ATP2B1: variants seen among roughly 807,000 people sequenced by gnomAD.
ATP2B1 encodes the protein plasma membrane calcium-transporting ATPase 1.
Under a neutral mutation model 124.2 loss-of-function variants are expected in ATP2B1, and 14 were observed. That is an observed-to-expected ratio of 0.11 (90% confidence interval 0.07 to 0.18). ATP2B1 has a LOEUF of 0.18. Ranked by LOEUF, ATP2B1 falls within the 10% of genes least tolerant of loss-of-function variation. The pLI, the probability that ATP2B1 is intolerant of heterozygous loss-of-function variation, is 1.00. For synonymous variants in ATP2B1, 449 were observed against 492.4 expected, an observed-to-expected ratio of 0.91 and a Z score of 1.17; for missense variants, 763 against 1,466.1, an observed-to-expected ratio of 0.52 and a Z score of 7.83.
chr12:89,616,646 A>C (rs1283951233), intron 12 of ATP2B1, among the ~76,000 whole-genome samples, 156 bp downstream of exon 12: 1 of 152,170 alleles, frequency 6.6e-6, no homozygotes. Flanking sequence ...TAGCATATGC[A>C]CTGTAGGTAC....
intron 3 of ATP2B1, among the ~76,000 whole-genome samples, chr12:89,639,125 T>G (rs1034684335): frequency 6.6e-6 from 1 of 152,194 alleles, no homozygotes; most frequent in African/African-American, 2.4e-5. Flanking sequence ...GATTTACAAA[T>G]AGATTCCTTT....
chr12:89,691,338 C>T lies in ATP2B1; in HGVS notation c.-222+17258G>A, dbSNP rs145261249. Among the ~76,000 whole-genome samples the T allele has an allele frequency of 8.3e-4, 126 of 152,180 alleles. 4 individuals are homozygous for T. The East Asian group carries it at 0.021, about 25-fold the overall frequency. ...ACCTCAAATATTAAAGTCTATAAGC[C>T]AACTCCATTTTCTTTAAGGAAAGCA... On this transcript the variant is annotated intron_variant, in intron 1 of 20. Coordinates refer to ENST00000428670, the MANE Select transcript of ATP2B1 (RefSeq NM_001366521.1).
chr12:89,652,312 A>T (rs1039875745), intron 2 of ATP2B1, among the ~76,000 whole-genome samples: 9 of 12,710 alleles, frequency 7.1e-4, no homozygotes, highest in Non-Finnish European at 1.4e-3. Flanking sequence ...ATACACCAAC[A>T]ACTGCCTTCC....
At chr12:89,703,384 T>C (rs146548033) in intron 1 of ATP2B1, among the ~76,000 whole-genome samples, 63 of 152,324 alleles carry the variant, frequency 4.1e-4, no homozygotes, top group African/African-American at 1.4e-3. Context: ...AATTATCAAT[T>C]AGTATGCTAT....
At chr12:89,639,235 G>T (rs2136222178) in intron 3 of ATP2B1, among the ~76,000 whole-genome samples, 1 of 152,290 alleles carries the variant, frequency 6.6e-6, no homozygotes, top group South Asian at 2.1e-4. Context: ...TGGGCACGGT[G>T]GCTCATGCCT....
chr12:89,687,742 C>T (rs2136695966), intron 1 of ATP2B1, among the ~76,000 whole-genome samples: 1 of 152,150 alleles, frequency 6.6e-6, no homozygotes, highest in East Asian at 1.9e-4. Context: ...AAAATAAATG[C>T]TGCTTAAACA....
chr12:89,654,702 T>C (rs372277090), intron 2 of ATP2B1, among the ~76,000 whole-genome samples: 2 of 152,182 alleles, frequency 1.3e-5, no homozygotes, highest in African/African-American at 4.8e-5. Flanking sequence ...AAAGACTTTT[T>C]GCTATTACAT....
chr12:89,597,706 T>C (rs1276802380), intron 20 of ATP2B1, among the ~76,000 whole-genome samples: 11 of 152,134 alleles, frequency 7.2e-5, no homozygotes, highest in Non-Finnish European at 1.6e-4. Flanking sequence ...TTTACATCTT[T>C]AATGCCTCCA....
intron 1 of ATP2B1, among the ~76,000 whole-genome samples, chr12:89,661,497 G>C (rs1368975540): frequency 3.3e-5 from 5 of 152,016 alleles, no homozygotes; most frequent in African/African-American, 9.7e-5. Context: ...AATAAAGCAA[G>C]TATTAAATAC....
At chr12:89,632,876 A>C (rs749634941) in intron 5 of ATP2B1, among the ~76,000 whole-genome samples, 1 of 152,184 alleles carries the variant, frequency 6.6e-6, no homozygotes, top group African/African-American at 2.4e-5. Context: ...TAGGAACCTG[A>C]GTCTACATAA....
intron 9 of ATP2B1, among the ~76,000 whole-genome samples, chr12:89,622,687 A>G (rs143136802): frequency 6.6e-6 from 1 of 152,300 alleles, no homozygotes; most frequent in Non-Finnish European, 1.5e-5. Context: ...CATATTAAAG[A>G]TTAGAAAAAT....
chr12:89,665,721 G>C (rs948232582), intron 1 of ATP2B1, among the ~76,000 whole-genome samples: 1 of 152,140 alleles, frequency 6.6e-6, no homozygotes, highest in African/African-American at 2.4e-5. Context: ...TTCTGTTCAG[G>C]AGCTAGAAGG....
At chr12:89,619,341 G>C (rs1018225930) in intron 11 of ATP2B1, among the ~76,000 whole-genome samples, 18 of 152,166 alleles carry the variant, frequency 1.2e-4, no homozygotes, top group African/African-American at 4.1e-4. Context: ...GCCAGGTGCA[G>C]TGACTCACGT....
chr12:89,641,062 C>A (rs1018532596), intron 3 of ATP2B1, among the ~76,000 whole-genome samples: 4 of 152,120 alleles, frequency 2.6e-5, no homozygotes, highest in African/African-American at 4.8e-5. Flanking sequence ...GAAGCTTTCA[C>A]AAAAATATTT....
intron 20 of ATP2B1, chr12:89,593,502 T>A (rs1043132683): frequency 5.9e-5 from 9 of 152,058 alleles, no homozygotes; most frequent in African/African-American, 1.9e-4. Flanking sequence ...TGTTTTTCTT[T>A]GTAATCAGTC....
At chr12:89,689,513 C>T (rs1328941954) in intron 1 of ATP2B1, among the ~76,000 whole-genome samples, 2 of 152,244 alleles carry the variant, frequency 1.3e-5, no homozygotes, top group South Asian at 4.1e-4. Flanking sequence ...AATGGCGTTT[C>T]CATCTGGCCT....
At chr12:89,591,396 A>C (rs1873532702) in intron 20 of ATP2B1, 101 bp from the exon 21 acceptor site, 2 of 1,029,404 alleles carry the variant, frequency 1.9e-6, no homozygotes, top group African/African-American at 1.6e-5. Flanking sequence ...GGTATGAGTG[A>C]ATCATATTTG....
chr12:89,658,646 A>AGAGAGAGAGAGAGAGAGAGAG (rs1221186665), intron 1 of ATP2B1, among the ~76,000 whole-genome samples: 1 of 136,124 alleles, frequency 7.3e-6, no homozygotes, highest in Non-Finnish European at 1.6e-5. Context: ...AGAGAGAGAG[A>AGAGAGAGAGAGAGAGAGAGAG]GATAGAGATA....
At position 89,626,570 on chromosome 12, in the gene ATP2B1, C is replaced by T; in HGVS notation, c.1013G>A (p.Ser338Asn). The T allele has an allele frequency of 1.2e-6, 2 of 1,612,966 alleles. No homozygotes were observed. The highest frequency in any genetic ancestry group is 1.1e-5 in the South Asian group (1 of 90,812). The change falls in exon 8 of 21, where the codon AGT (serine) becomes AAT (asparagine). Residue 338 changes from serine to asparagine, a missense_variant. Ser to Asn is a conservative substitution (Grantham distance 46). Transcript: ENST00000428670. The part of the protein sequence containing the change: ...GAAMEMQPLK[S>N]EEGGDGDEKD... Reference sequence around the variant, plus strand: ...TTCATCACCATCTCCACCTTCTTCACTCTTCAATGGCTGCATTTCCATGGC... The same window carrying T: ...TTCATCACCATCTCCACCTTCTTCATTCTTCAATGGCTGCATTTCCATGGC...
Sources: allele counts gnomAD v4.1 joint callset (sites outside exome capture counted in the v4.1 genomes callset), GRCh38; gene constraint gnomAD v4.1.1; transcripts MANE v1.5; gene names NCBI Gene and HGNC (gene_info 2026-07-23, HGNC 2026-07-21).